The following CLCC1 variants were observed in gnomAD, a reference collection of about 807,000 sequenced individuals.
The protein encoded by CLCC1 is chloride channel CLIC-like protein 1.
In CLCC1, 39 loss-of-function variants were observed where a neutral mutation model predicts 63.3. The observed-to-expected ratio is 0.62, with a 90% confidence interval of 0.48 to 0.81. CLCC1 has a LOEUF of 0.81. CLCC1 is among the 30% of genes least tolerant of loss of function. CLCC1 has a pLI of 0.00. For synonymous variants in CLCC1, 217 were observed against 239.8 expected (o/e 0.90, Z 0.88); for missense variants, 549 against 669.4 (o/e 0.82, Z 1.98).
In CLCC1 at chr1:108,929,650, G is replaced by T; in HGVS notation, c.*2897C>A. ...GTGACTGAGAGATTTAACATAGCTTGGTGCTTTCTTTCCCACAGTATGTCT... is the reference window on the plus strand; with the variant it reads ...GTGACTGAGAGATTTAACATAGCTTTGTGCTTTCTTTCCCACAGTATGTCT... On this transcript the variant is annotated 3_prime_UTR_variant, in exon 13 of 13. Transcript: ENST00000369969. 1 of 1,570,584 alleles carries T rather than the reference G, an allele frequency of 6.4e-7. No individual in the cohort carries two copies. The highest frequency in any genetic ancestry group is 8.8e-7 in the Non-Finnish European group (1 of 1,140,944).
At chr1:108,962,540 C>G (rs1032201557) in intron 1 of CLCC1, 71 bp from the exon 2 acceptor site, 2 of 152,104 alleles carry the variant, frequency 1.3e-5, no homozygotes, top group African/African-American at 4.8e-5. Context: ...AGTAATAAAC[C>G]TACAGCTTAT....
At position 108,929,876 on chromosome 1, in the gene CLCC1, A is replaced by T; in HGVS notation, c.*2671T>A. The T allele has an allele frequency of 6.2e-7, 1 of 1,613,816 alleles. No individual in the cohort carries two copies. The highest frequency in any genetic ancestry group is 8.5e-7 in the Non-Finnish European group (1 of 1,179,696). ...AGAGACACTGACTTTGGGCTAAAGGACTTTTTGCAAAATAATGCTTTGTTG... is the reference window on the plus strand; with the variant it reads ...AGAGACACTGACTTTGGGCTAAAGGTCTTTTTGCAAAATAATGCTTTGTTG... On this transcript the variant is annotated 3_prime_UTR_variant, in exon 13 of 13. Coordinates refer to ENST00000369969, the MANE Select transcript of CLCC1 (RefSeq NM_001377458.1).
intron 12 of CLCC1, chr1:108,933,795 TCTCTTCTTC>T (rs1652404189): frequency 4.6e-5 from 7 of 152,036 alleles, no homozygotes. Context: ...GACACCCAAC[TCTCTTCTTC>T]CTCATCATGG....
chr1:108,954,179 G>A (rs146133233), intron 2 of CLCC1, among the ~76,000 whole-genome samples: 2 of 151,144 alleles, frequency 1.3e-5, no homozygotes, highest in African/African-American at 4.9e-5. Flanking sequence ...TACGGTGAGA[G>A]GTAGAGGTGG....
At position 108,929,870 on chromosome 1, in the gene CLCC1, T is replaced by A. The variant is rs774671620; in HGVS notation, c.*2677A>T. On this transcript the variant is annotated 3_prime_UTR_variant, in exon 13 of 13. Transcript: ENST00000369969. Reference sequence around the variant, plus strand: ...CAAAACAGAGACACTGACTTTGGGCTAAAGGACTTTTTGCAAAATAATGCT... The same window carrying A: ...CAAAACAGAGACACTGACTTTGGGCAAAAGGACTTTTTGCAAAATAATGCT... 1.9e-6 allele frequency: 3 copies of A among 1,613,974 alleles called. No individual in the cohort carries two copies. Among genetic ancestry groups the A allele is most frequent in the Non-Finnish European group, 2.5e-6 (3 of 1,179,830 alleles).
At chr1:108,953,198 G>A (rs116729207) in intron 2 of CLCC1, among the ~76,000 whole-genome samples, 108 of 152,288 alleles carry the variant, frequency 7.1e-4, no homozygotes, top group African/African-American at 1.8e-3. Flanking sequence ...AACAGCTTAC[G>A]GTCTAGTTGT....
intron 5 of CLCC1, among the ~76,000 whole-genome samples, chr1:108,944,316 TA>T (rs1654242901): frequency 6.6e-6 from 1 of 152,094 alleles, no homozygotes; most frequent in Non-Finnish European, 1.5e-5. Flanking sequence ...CAAAAAATTC[TA>T]ACCATTAGCT....
chr1:108,929,984 A>T lies in CLCC1; in HGVS notation c.*2563T>A. 6.4e-7 allele frequency: 1 copy of T among 1,550,944 alleles called. No individual in the cohort carries two copies. The highest frequency in any genetic ancestry group is 8.9e-7 in the Non-Finnish European group (1 of 1,127,646). On this transcript the variant is annotated 3_prime_UTR_variant, in exon 13 of 13. Transcript: ENST00000369969. ...TTTTCCTTTCAAACACGGTAAGGAA[A>T]CAATCTATTACTTTTTTCCTTAAAA...
chr1:108,936,997 G>C (rs765280332), intron 11 of CLCC1, 80 bp downstream of exon 11: 1 of 1,045,082 alleles, frequency 9.6e-7, no homozygotes, highest in Non-Finnish European at 1.3e-6. Context: ...GGGTAAAAGA[G>C]TAAAAACAAT....
chr1:108,955,987 C>A (rs1229618102), intron 2 of CLCC1, among the ~76,000 whole-genome samples: 1 of 151,612 alleles, frequency 6.6e-6, no homozygotes, highest in Non-Finnish European at 1.5e-5. Flanking sequence ...TACTTCTCGG[C>A]ACCCATAATC....
intron 7 of CLCC1, among the ~76,000 whole-genome samples, chr1:108,942,157 G>C (rs1047437334): frequency 6.6e-6 from 1 of 152,094 alleles, no homozygotes; most frequent in African/African-American, 2.4e-5. Flanking sequence ...AGAATCGCTT[G>C]AACCCGGGAG....
chr1:108,933,808 ATCATGGTATTC>A (rs1217209843), intron 12 of CLCC1: 1 of 152,228 alleles, frequency 6.6e-6, no homozygotes, highest in East Asian at 1.9e-4. Flanking sequence ...CTTCTTCCTC[ATCATGGTATTC>A]TCTATGTATA....
At chr1:108,959,004 T>C (rs1012784837) in intron 2 of CLCC1, among the ~76,000 whole-genome samples, 1 of 150,178 alleles carries the variant, frequency 6.7e-6, no homozygotes, top group African/African-American at 2.5e-5. Flanking sequence ...AGAAATCCCA[T>C]CTCTACAAAA....
chr1:108,941,628 A>T (rs41296186), intron 7 of CLCC1, 130 bp from the exon 8 acceptor site: 150 of 465,946 alleles, frequency 3.2e-4, no homozygotes, highest in Middle Eastern at 8.0e-4. Context: ...ATTTTTAATT[A>T]AAAAAAAACA....
rs1210421497 is a variant in CLCC1, at chr1:108,931,330, C to T, written c.*1217G>A. On this transcript the variant is annotated 3_prime_UTR_variant, in exon 13 of 13. Coordinates refer to ENST00000369969, the MANE Select transcript of CLCC1 (RefSeq NM_001377458.1). ...TATCCCAGATATTGAAGGCAGTTTA[C>T]AAGGGGATGATAACAAAGTAACTAA... is the stretch of plus-strand genomic sequence containing the variant. The T allele has an allele frequency of 6.5e-7, 1 of 1,549,736 alleles. No individual in the cohort carries two copies. The highest frequency in any genetic ancestry group is 2.4e-5 in the East Asian group (1 of 40,860).
chr1:108,956,676 A>G lies in CLCC1; in HGVS notation c.-12+5633T>C, dbSNP rs983045794. Among the ~76,000 whole-genome samples, 8 of 147,284 alleles carry G rather than the reference A, an allele frequency of 5.4e-5. 1 individual carries two copies. Among genetic ancestry groups the G allele is most frequent in the African/African-American group, 1.0e-4 (4 of 38,794 alleles). Reference sequence around the variant, plus strand: ...ACTCCGTCTCAAAAAAAAAAAAAGCATTACACTTTAGAGTGGTTTGTTACA... The same window carrying G: ...ACTCCGTCTCAAAAAAAAAAAAAGCGTTACACTTTAGAGTGGTTTGTTACA... On this transcript the variant is annotated intron_variant, in intron 2 of 12. Coordinates refer to ENST00000369969, the MANE Select transcript of CLCC1 (RefSeq NM_001377458.1).
At position 108,929,986 on chromosome 1, in the gene CLCC1, A is replaced by C. The variant is rs1557884931; in HGVS notation, c.*2561T>G. The C allele has an allele frequency of 1.3e-6, 2 of 1,550,920 alleles. No individual in the cohort carries two copies. Among genetic ancestry groups the C allele is most frequent in the South Asian group, 1.1e-5 (1 of 88,458 alleles). On this transcript the variant is annotated 3_prime_UTR_variant, in exon 13 of 13. Coordinates refer to ENST00000369969, the MANE Select transcript of CLCC1 (RefSeq NM_001377458.1). ...TTCCTTTCAAACACGGTAAGGAAAC[A>C]ATCTATTACTTTTTTCCTTAAAAGG...
intron 10 of CLCC1, among the ~76,000 whole-genome samples, chr1:108,937,818 T>C (rs1246722314): frequency 3.3e-5 from 5 of 152,208 alleles, no homozygotes. Flanking sequence ...CTTCTGTACA[T>C]TTTCTTTTTA....
At chr1:108,935,763 A>C (rs531901740) in intron 11 of CLCC1, among the ~76,000 whole-genome samples, 1 of 152,224 alleles carries the variant, frequency 6.6e-6, no homozygotes, top group South Asian at 2.1e-4. Context: ...CTTGTCTCCA[A>C]AAATAATAAA....
Sources: gnomAD v4.1 joint callset for allele counts (sites outside exome capture counted in the v4.1 genomes callset) on GRCh38, gnomAD v4.1.1 for gene constraint, MANE v1.5 for transcripts, NCBI Gene and HGNC (gene_info 2026-07-23, HGNC 2026-07-21) for gene names.